Variants in ZC3H12C observed in about 807,000 individuals in gnomAD.
ZC3H12C encodes the protein probable ribonuclease ZC3H12C.
ZC3H12C carries 20 observed loss-of-function variants against 76.3 expected under a neutral mutation model. That is an observed-to-expected ratio of 0.26 (90% CI 0.18 to 0.38). The LOEUF (loss-of-function observed/expected upper bound fraction) is 0.38, where lower values mean the gene tolerates loss of function less well. Ranked by LOEUF, ZC3H12C falls within the 10% of genes least tolerant of loss-of-function variation. The pLI, the probability that ZC3H12C is intolerant of heterozygous loss-of-function variation, is 1.00. For synonymous variants in ZC3H12C, 352 were observed against 399.6 expected (o/e 0.88, Z 1.42); for missense variants, 874 against 1,086.5 (o/e 0.80, Z 2.75).
At chr11:110,120,243 T>C (rs1045978819) in intron 1 of ZC3H12C, among the ~76,000 whole-genome samples, 3 of 152,180 alleles carry the variant, frequency 2.0e-5, no homozygotes, top group African/African-American at 7.2e-5. Context: ...ATGCCCTTGT[T>C]TTATGTGTGT....
intron 1 of ZC3H12C, among the ~76,000 whole-genome samples, chr11:110,121,001 G>A (rs934035713): frequency 3.3e-5 from 5 of 152,298 alleles, no homozygotes; most frequent in African/African-American, 1.2e-4. Context: ...GTCAATTTCC[G>A]TAACCTTGGC....
intron 4 of ZC3H12C, among the ~76,000 whole-genome samples, chr11:110,161,042 C>T (rs1862470945): frequency 6.6e-6 from 1 of 151,750 alleles, no homozygotes; most frequent in South Asian, 2.1e-4. Context: ...CGAGGTTTCA[C>T]CATGTTGGCC....
At chr11:110,105,845 A>G (rs559822963) in intron 1 of ZC3H12C, among the ~76,000 whole-genome samples, 55 of 152,322 alleles carry the variant, frequency 3.6e-4, no homozygotes, top group Non-Finnish European at 6.9e-4. Flanking sequence ...TTTAATTATG[A>G]TATTTATTAA....
chr11:110,094,611 A>G lies in ZC3H12C; in HGVS notation c.21+1179A>G, dbSNP rs1055837712. On this transcript the variant is annotated intron_variant, in intron 1 of 5. Transcript: ENST00000278590. ...GTATGACTTCCATTCATTTAATCAC[A>G]TGTACAATTAATTTTAGTAGCAGTT... Among the ~76,000 whole-genome samples, 76 of 152,334 alleles carry G rather than the reference A, an allele frequency of 5.0e-4. 2 individuals carry two copies. The highest frequency in any genetic ancestry group is 5.9e-5 in the Non-Finnish European group (4 of 68,026).
At chr11:110,096,473 C>G (rs1488771907) in intron 1 of ZC3H12C, among the ~76,000 whole-genome samples, 1 of 152,146 alleles carries the variant, frequency 6.6e-6, no homozygotes, top group East Asian at 1.9e-4. Context: ...CCTTGAACAC[C>G]TTTATGCATT....
intron 2 of ZC3H12C, among the ~76,000 whole-genome samples, chr11:110,145,668 C>T (rs1311456070): frequency 6.6e-6 from 1 of 152,022 alleles, no homozygotes; most frequent in Non-Finnish European, 1.5e-5. Flanking sequence ...TTTTAGCTGC[C>T]ACTGATGTTA....
At position 110,168,229 on chromosome 11, in the gene ZC3H12C, G is replaced by A. The variant is rs1862614647; in HGVS notation, c.*2492G>A. 6.6e-6 allele frequency: 1 copy of A among 152,094 alleles called. No individual in the cohort carries two copies. The highest frequency in any genetic ancestry group is 2.1e-4 in the South Asian group (1 of 4,822). 9.4% of individuals were successfully genotyped at this position (152,094 alleles called of 1,614,324 possible). On this transcript the variant is annotated 3_prime_UTR_variant, in exon 6 of 6. Coordinates refer to ENST00000278590, the MANE Select transcript of ZC3H12C (RefSeq NM_033390.2). ...AGCCAGCTGCCACCTCTACTGAAGT[G>A]AGTAGCTCTGAACTACCCACACTAA...
intron 3 of ZC3H12C, among the ~76,000 whole-genome samples, chr11:110,155,149 C>A (rs1191386317): frequency 6.6e-6 from 1 of 151,924 alleles, no homozygotes; most frequent in Non-Finnish European, 1.5e-5. Context: ...ATTAGCTGGG[C>A]CTGGTGGCGG....
At chr11:110,153,092 C>A in intron 3 of ZC3H12C, 34 bp downstream of exon 3, 1 of 1,598,392 alleles carries the variant, frequency 6.3e-7, no homozygotes, top group Non-Finnish European at 8.5e-7. Context: ...TTGTACCTAG[C>A]TTTCCTATAA....
chr11:110,152,590 G>A (rs193011005), intron 2 of ZC3H12C, among the ~76,000 whole-genome samples: 1 of 151,944 alleles, frequency 6.6e-6, no homozygotes, highest in Admixed American at 6.6e-5. Flanking sequence ...TCTTGCTGTG[G>A]TTGAAGGAAG....
At chr11:110,147,619 TAAAAA>T (rs58411498) in intron 2 of ZC3H12C, among the ~76,000 whole-genome samples, 1 of 145,618 alleles carries the variant, frequency 6.9e-6, no homozygotes, top group African/African-American at 2.5e-5. Context: ...AAAGTAAAAT[TAAAAA>T]AAAAAAAGAA....
intron 1 of ZC3H12C, among the ~76,000 whole-genome samples, 155 bp downstream of exon 1, chr11:110,093,587 G>C (rs1591451595): frequency 6.6e-6 from 1 of 151,752 alleles, no homozygotes; most frequent in South Asian, 2.1e-4. Flanking sequence ...GGCCCAGGCG[G>C]GTCGGGCTCC....
chr11:110,139,242 A>G (rs1421114064), intron 2 of ZC3H12C, among the ~76,000 whole-genome samples: 1 of 150,976 alleles, frequency 6.6e-6, no homozygotes, highest in Admixed American at 6.8e-5. Flanking sequence ...ACTACTTGCC[A>G]AGACAAAATG....
chr11:110,139,791 T>A (rs1172620133), intron 2 of ZC3H12C, among the ~76,000 whole-genome samples: 1 of 152,142 alleles, frequency 6.6e-6, no homozygotes, highest in Non-Finnish European at 1.5e-5. Flanking sequence ...AAAAATACAT[T>A]TTCTAGCATT....
At chr11:110,159,808 G>A (rs915492314) in intron 4 of ZC3H12C, among the ~76,000 whole-genome samples, 23 of 152,214 alleles carry the variant, frequency 1.5e-4, no homozygotes, top group African/African-American at 5.5e-4. Flanking sequence ...ACCCTCAAAG[G>A]ACTGCCTTTT....
At chr11:110,118,661 G>T (rs1303657727) in intron 1 of ZC3H12C, among the ~76,000 whole-genome samples, 3 of 152,090 alleles carry the variant, frequency 2.0e-5, no homozygotes, top group African/African-American at 7.2e-5. Flanking sequence ...GCTGGGCATG[G>T]TAGCACATAC....
In ZC3H12C at chr11:110,125,938, G is replaced by A. The variant is rs1428883760; in HGVS notation, c.22-10725G>A. ...TCTAGAAGCTCTGCAAATGAAACCC[G>A]GGGTTTAGTCCTCATCTCTGACCTG... On this transcript the variant is annotated intron_variant, in intron 1 of 5. Coordinates refer to ENST00000278590, the MANE Select transcript of ZC3H12C (RefSeq NM_033390.2). Among the ~76,000 whole-genome samples, 4 of 152,126 alleles carry A rather than the reference G, an allele frequency of 2.6e-5. No homozygotes were observed. In the East Asian group the frequency reaches 5.8e-4, roughly 22 times the overall value.
At chr11:110,094,286 A>G (rs1053948561) in intron 1 of ZC3H12C, among the ~76,000 whole-genome samples, 1 of 152,216 alleles carries the variant, frequency 6.6e-6, no homozygotes, top group African/African-American at 2.4e-5. Flanking sequence ...CTATTGGTTG[A>G]CAAGACTGTA....
At chr11:110,145,484 G>C (rs754720299) in intron 2 of ZC3H12C, among the ~76,000 whole-genome samples, 3 of 152,016 alleles carry the variant, frequency 2.0e-5, no homozygotes, top group Non-Finnish European at 4.4e-5. Flanking sequence ...TTGGATAGAG[G>C]TAATGAGGTT....
Sources: gnomAD v4.1 joint callset for allele counts (sites outside exome capture counted in the v4.1 genomes callset) on GRCh38, gnomAD v4.1.1 for gene constraint, MANE v1.5 for transcripts, NCBI Gene and HGNC (gene_info 2026-07-23, HGNC 2026-07-21) for gene names.